The following CNKSR3 variants were observed in gnomAD, a reference collection of about 807,000 sequenced individuals.
CNKSR3 encodes CNKSR family member 3.
Under a neutral mutation model 67.7 loss-of-function variants are expected in CNKSR3, and 36 were observed. That is an observed-to-expected ratio of 0.53 (90% CI 0.41 to 0.70). The LOEUF is 0.70. Ranked by LOEUF, CNKSR3 falls within the 30% of genes least tolerant of loss-of-function variation. The probability of loss-of-function intolerance (pLI) is 0.00; values close to 1 mark genes in which losing one functional copy is unlikely to be tolerated. For missense variants in CNKSR3, 630 were observed against 695.2 expected, an observed-to-expected ratio of 0.91 and a Z score of 1.05; for synonymous variants, 281 against 271.4, an observed-to-expected ratio of 1.04 and a Z score of -0.35.
At chr6:154,473,094 C>T (rs971598296) in intron 1 of CNKSR3, among the ~76,000 whole-genome samples, 2 of 152,182 alleles carry the variant, frequency 1.3e-5, no homozygotes, top group South Asian at 4.1e-4. Flanking sequence ...AAGAACCCTC[C>T]GTGATCACCA....
chr6:154,421,896 C>A (rs993796682), intron 9 of CNKSR3, among the ~76,000 whole-genome samples: 1 of 151,866 alleles, frequency 6.6e-6, no homozygotes, highest in Non-Finnish European at 1.5e-5. Flanking sequence ...CCACACTGTC[C>A]GATATGGGAG....
At chr6:154,437,454 C>T (rs1785495395) in intron 4 of CNKSR3, among the ~76,000 whole-genome samples, 1 of 130,982 alleles carries the variant, frequency 7.6e-6, no homozygotes, top group Admixed American at 8.9e-5. Flanking sequence ...CAGTCTTTCA[C>T]CCACGCTGGA....
Position 154,502,335 on chromosome 6 carries a change from G to T in CNKSR3, c.52+7728C>A, listed in dbSNP as rs186388304. Among the ~76,000 whole-genome samples, 832 of 151,500 alleles carry T rather than the reference G, an allele frequency of 5.5e-3. 2 individuals carry two copies. The highest frequency in any genetic ancestry group is 8.3e-3 in the Non-Finnish European group (566 of 67,928). On this transcript the variant is annotated intron_variant, in intron 1 of 12. Coordinates refer to ENST00000607772, the MANE Select transcript of CNKSR3 (RefSeq NM_173515.4). ...GTCTCCTGAGTAGCTGGGATTACAG[G>T]TGCCCACCACCATGCCCAGCTAATT...
chr6:154,450,380 C>T (rs1401357489), intron 1 of CNKSR3, 122 bp from the exon 2 acceptor site: 1 of 996,088 alleles, frequency 1.0e-6, no homozygotes, highest in African/African-American at 1.6e-5. Flanking sequence ...ATCTGGTTAT[C>T]TATGTGAGGC....
intron 1 of CNKSR3, 65 bp from the exon 2 acceptor site, chr6:154,450,323 G>A: frequency 6.7e-7 from 1 of 1,483,368 alleles, no homozygotes; most frequent in Non-Finnish European, 9.3e-7. Flanking sequence ...CCTGCAAACT[G>A]CCCACATGTC....
chr6:154,450,230 G>T lies in CNKSR3; in HGVS notation c.81C>A (p.Val27=), dbSNP rs1207676417. 1 of 1,613,960 alleles carries T rather than the reference G, an allele frequency of 6.2e-7. No individual in the cohort carries two copies. The highest frequency in any genetic ancestry group is 2.2e-5 in the East Asian group (1 of 44,890). Residue 27 remains valine (V), a synonymous_variant, in exon 2 of 13, where the codon GTC becomes GTA. Transcript: ENST00000607772. ...RGLDDCLQQY[V]HKFEREKING... The stretch of plus-strand genomic sequence containing the variant: ...TGATCTTCTCTCGTTCAAACTTGTG[G>T]ACATATTGTTGCAGGCAGTCATCCA...
At position 154,422,612 on chromosome 6, in the gene CNKSR3, T is replaced by C. The variant is rs117352540; in HGVS notation, c.839A>G (p.Glu280Gly). The C allele has an allele frequency of 2.3e-5, 37 of 1,613,720 alleles. No homozygotes were observed. The East Asian group carries it at 7.4e-4, about 32-fold the overall frequency. ...CAGTAACACAACTCCGGTGGGATTC[T>C]CTCTCAATTTCTTCACCAGATTTTT... ...QLKNLVKKLR[E>G]NPTGVVLLLK... The change falls in exon 9 of 13, where the codon GAG becomes GGG. Residue 280 changes from glutamate (E) to glycine (G), a missense_variant. By Grantham distance (98) the Glu-to-Gly change is moderately conservative. This residue lies in a region of CNKSR3 where 133 missense variants were observed against 190.6 expected (regional missense o/e 0.70). Transcript: ENST00000607772.
At position 154,492,682 on chromosome 6, in the gene CNKSR3, A is replaced by G. The variant is rs183712673; in HGVS notation, c.52+17381T>C. ...AATCTCTTGAACCCAGGAGACGGAG[A>G]CTGCAGTGAGCAGAGATTGTGCCAC... On this transcript the variant is annotated intron_variant, in intron 1 of 12. Transcript: ENST00000607772. 1.5e-4 allele frequency among the ~76,000 whole-genome samples: 23 copies of G among 150,856 alleles called. No homozygotes were observed. In the East Asian group the frequency reaches 4.1e-3, roughly 27 times the overall value.
chr6:154,500,385 G>C (rs909986858), intron 1 of CNKSR3, among the ~76,000 whole-genome samples: 2 of 151,820 alleles, frequency 1.3e-5, no homozygotes, highest in East Asian at 3.9e-4. Context: ...TTATCCTCAG[G>C]AAAGCATGAT....
chr6:154,413,812 A>T lies in CNKSR3; in HGVS notation c.1070+487T>A, dbSNP rs75936888. Reference sequence around the variant, plus strand: ...ACCCAGGCTGGATTGCAATGGCACAAACTCTGCTCACTGCAACCTCCACCT... The same window carrying T: ...ACCCAGGCTGGATTGCAATGGCACATACTCTGCTCACTGCAACCTCCACCT... On this transcript the variant is annotated intron_variant, in intron 10 of 12. Transcript: ENST00000607772. 2.1e-3 allele frequency among the ~76,000 whole-genome samples: 321 copies of T among 152,072 alleles called. 2 individuals carry two copies. Among genetic ancestry groups the T allele is most frequent in the African/African-American group, 7.3e-3 (302 of 41,488 alleles).
chr6:154,422,629 C>T lies in CNKSR3; in HGVS notation c.822G>A (p.Leu274=), dbSNP rs1403816595. The change falls in exon 9 of 13, where the codon CTG becomes CTA. Residue 274 remains leucine (L), a synonymous_variant. Transcript: ENST00000607772. The part of the protein sequence containing the change: ...QTVVGWQLKN[L]VKKLRENPTG... ...TGGGATTCTCTCTCAATTTCTTCACCAGATTTTTCAGCTGCCATCCCACCT... is the reference window on the plus strand; with the variant it reads ...TGGGATTCTCTCTCAATTTCTTCACTAGATTTTTCAGCTGCCATCCCACCT... 1.2e-6 allele frequency: 2 copies of T among 1,613,476 alleles called. No homozygotes were observed. The highest frequency in any genetic ancestry group is 4.5e-5 in the East Asian group (2 of 44,878).
chr6:154,415,781 C>T (rs1354843762), intron 9 of CNKSR3, among the ~76,000 whole-genome samples: 1 of 152,160 alleles, frequency 6.6e-6, no homozygotes, highest in Non-Finnish European at 1.5e-5. Flanking sequence ...ATCCACATGG[C>T]TGAGTTTGAA....
intron 7 of CNKSR3, among the ~76,000 whole-genome samples, chr6:154,426,906 A>C (rs528894226): frequency 6.6e-6 from 1 of 152,346 alleles, no homozygotes; most frequent in East Asian, 1.9e-4. Context: ...CTGTGTTCTT[A>C]TCACGGCTGA....
chr6:154,486,778 G>A (rs1786675753), intron 1 of CNKSR3, among the ~76,000 whole-genome samples: 1 of 152,112 alleles, frequency 6.6e-6, no homozygotes. Flanking sequence ...ACAGGCGTAA[G>A]CCACTACACC....
intron 9 of CNKSR3, 102 bp from the exon 10 acceptor site, chr6:154,414,525 T>A: frequency 8.1e-7 from 1 of 1,238,558 alleles, no homozygotes. Context: ...ACCCCGTGTC[T>A]GAACAGGGAC....
At position 154,402,467 on chromosome 6, in the gene CNKSR3, G is replaced by A. The variant is rs1282073473; in HGVS notation, c.*3887C>T. ...GAGAGAATTCTATAAATGGAAGGAA[G>A]CCTATATACTGAGTGATTATGAGCA... On this transcript the variant is annotated 3_prime_UTR_variant, in exon 13 of 13. Coordinates refer to ENST00000607772, the MANE Select transcript of CNKSR3 (RefSeq NM_173515.4). 3 of 152,206 alleles carry A rather than the reference G, an allele frequency of 2.0e-5. No homozygotes were observed. The highest frequency in any genetic ancestry group is 2.9e-5 in the Non-Finnish European group (2 of 68,036). The allele number at this position is 152,206 out of a possible 1,614,324, so 9.4% of individuals were successfully genotyped here.
At chr6:154,445,514 A>G (rs144783984) in intron 2 of CNKSR3, among the ~76,000 whole-genome samples, 27 of 152,346 alleles carry the variant, frequency 1.8e-4, no homozygotes, top group African/African-American at 6.3e-4. Flanking sequence ...GCCAACTTAC[A>G]TGAAGAGTTT....
In CNKSR3 at chr6:154,395,059, G is replaced by A. The variant is rs1784645175; in HGVS notation, c.*11295C>T. The A allele has an allele frequency of 6.6e-6, 1 of 152,296 alleles. No individual in the cohort carries two copies. The highest frequency in any genetic ancestry group is 1.5e-5 in the Non-Finnish European group (1 of 68,108). 9.4% of individuals were successfully genotyped at this position (152,296 alleles called of 1,614,324 possible). ...AGAGACCAAAATGCAGGGAGTACAG[G>A]TGGAAAAGGTCAAGTGGAACGGAGG... On this transcript the variant is annotated 3_prime_UTR_variant, in exon 13 of 13. Transcript: ENST00000607772.
intron 1 of CNKSR3, among the ~76,000 whole-genome samples, chr6:154,504,726 C>T (rs1787064549): frequency 6.7e-6 from 1 of 148,918 alleles, no homozygotes; most frequent in African/African-American, 2.4e-5. Context: ...ATCAAAGAGG[C>T]TGGACAGGTG....
Sources: allele counts gnomAD v4.1 joint callset (sites outside exome capture counted in the v4.1 genomes callset), GRCh38; gene constraint gnomAD v4.1.1; regional missense constraint gnomAD v4.1.1; transcripts MANE v1.5; gene names NCBI Gene and HGNC (gene_info 2026-07-23, HGNC 2026-07-21).